Variants in ZNF385D observed in about 807,000 individuals in gnomAD.
ZNF385D encodes the protein zinc finger protein 659.
A neutral mutation model predicts 35.8 loss-of-function variants in ZNF385D; 15 were observed. The ratio of observed to expected loss-of-function variants is 0.42; its 90% confidence interval spans 0.28 to 0.64. The LOEUF (loss-of-function observed/expected upper bound fraction) is 0.64, where lower values mean the gene tolerates loss of function less well. ZNF385D is among the 30% of genes least tolerant of loss of function. The pLI is 0.23. For synonymous variants in ZNF385D, 212 were observed against 186.8 expected (o/e 1.13, Z -1.10); for missense variants, 474 against 494.6 (o/e 0.96, Z 0.39).
intron 2 of ZNF385D, among the ~76,000 whole-genome samples, chr3:22,271,694 G>T (rs1173131955): frequency 3.3e-5 from 5 of 151,634 alleles, no homozygotes; most frequent in Admixed American, 3.3e-4. Flanking sequence ...CCCACCCTCT[G>T]CCTGTCTCCT....
rs1244129657 is a variant in ZNF385D at position 22,372,474 on chromosome 3, C to T, written c.82G>A (p.Ala28Thr). The T allele has an allele frequency of 7.1e-6, 7 of 985,800 alleles. No individual in the cohort carries two copies. In the African/African-American group the frequency reaches 8.7e-5, roughly 12 times the overall value. The allele number at this position is 985,800 out of a possible 1,614,324, so 61.1% of individuals were successfully genotyped here. Residue 28 changes from alanine to threonine, a missense_variant, in exon 2 of 6, where the codon GCG becomes ACG. Coordinates refer to the ZNF385D transcript ENST00000494108. Reference sequence around the variant, plus strand: ...CCGCGGCTGGGCTGAGCTTTCGGCGCCCCCAGGAGCTTTTCTCTCCTTCCT... The same window carrying T: ...CCGCGGCTGGGCTGAGCTTTCGGCGTCCCCAGGAGCTTTTCTCTCCTTCCT...
intron 3 of ZNF385D, among the ~76,000 whole-genome samples, chr3:22,041,127 T>C (rs1698638710): frequency 6.6e-6 from 1 of 152,016 alleles, no homozygotes. Context: ...TTTTCCTCTA[T>C]GTTGGCTCCT....
chr3:21,678,908 C>T (rs761728076), intron 1 of ZNF385D, among the ~76,000 whole-genome samples: 19 of 152,096 alleles, frequency 1.2e-4, no homozygotes, highest in Non-Finnish European at 1.8e-4. Context: ...TCCTTATAAG[C>T]GAAGATAAGA....
intron 2 of ZNF385D, among the ~76,000 whole-genome samples, chr3:22,198,999 T>A (rs751187674): frequency 2.0e-4 from 31 of 152,100 alleles, no homozygotes; most frequent in Non-Finnish European, 3.5e-4. Flanking sequence ...CTACTACTGT[T>A]TAATAAGTCT....
At chr3:21,458,754 G>C (rs1480655805) in intron 4 of ZNF385D, among the ~76,000 whole-genome samples, 1 of 139,696 alleles carries the variant, frequency 7.2e-6, no homozygotes, top group Non-Finnish European at 1.5e-5. Context: ...GGCAAATTTG[G>C]AGAGACACAA....
intron 3 of ZNF385D, among the ~76,000 whole-genome samples, chr3:22,142,819 A>G (rs886354998): frequency 5.9e-5 from 9 of 151,966 alleles, no homozygotes. Flanking sequence ...GCTTCTCTCA[A>G]AACAGCCATC....
chr3:22,280,366 G>GT (rs536746722), intron 2 of ZNF385D, among the ~76,000 whole-genome samples: 6,795 of 140,922 alleles, frequency 0.048, 392 homozygotes, highest in African/African-American at 0.14. Context: ...GTCTAGAAGG[G>GT]TTTTTTTTTT....
intron 2 of ZNF385D, among the ~76,000 whole-genome samples, chr3:21,590,119 C>T (rs2063926375): frequency 6.6e-6 from 1 of 152,050 alleles, no homozygotes; most frequent in Non-Finnish European, 1.5e-5. Context: ...GTGGAATAGA[C>T]CTGTACCCTA....
chr3:22,109,674 C>A (rs1388359209), intron 3 of ZNF385D, among the ~76,000 whole-genome samples: 3 of 152,048 alleles, frequency 2.0e-5, no homozygotes, highest in Non-Finnish European at 4.4e-5. Context: ...AATCTGGGTG[C>A]TCCTGTATTG....
chr3:22,146,382 T>C (rs1008152135), intron 3 of ZNF385D, among the ~76,000 whole-genome samples: 4 of 152,218 alleles, frequency 2.6e-5, no homozygotes, highest in African/African-American at 7.2e-5. Context: ...ACTGACAGAC[T>C]ACAACAGTGG....
chr3:21,770,456 G>A (rs1430212842), intron 3 of ZNF385D, among the ~76,000 whole-genome samples: 3 of 152,098 alleles, frequency 2.0e-5, no homozygotes, highest in African/African-American at 7.2e-5. Flanking sequence ...CTCAAAAGAA[G>A]ACATTTATGC....
intron 3 of ZNF385D, chr3:21,542,836 C>G (rs544952107): frequency 6.6e-6 from 1 of 151,982 alleles, no homozygotes; most frequent in Admixed American, 6.6e-5. Flanking sequence ...TTTTTCTTCC[C>G]GCCGACTTTC....
intron 1 of ZNF385D, among the ~76,000 whole-genome samples, chr3:21,707,232 A>G (rs1215335802): frequency 6.6e-6 from 1 of 152,216 alleles, no homozygotes; most frequent in Non-Finnish European, 1.5e-5. Context: ...CTTACAAATC[A>G]CATCATCTTT....
chr3:22,316,501 C>T lies in ZNF385D; in HGVS notation c.106+55949G>A, dbSNP rs190939105. ...TTGAGACAAAAAAGGTAAATTTTTC[C>T]CCAAAAACTTTGATGGTAGAAGGAA... is the stretch of plus-strand genomic sequence containing the variant. On this transcript the variant is annotated intron_variant, in intron 2 of 5. Coordinates refer to the ZNF385D transcript ENST00000494108. Among the ~76,000 whole-genome samples, 96 of 152,046 alleles carry T rather than the reference C, an allele frequency of 6.3e-4. 1 individual carries two copies. Among genetic ancestry groups the T allele is most frequent in the African/African-American group, 2.2e-3 (91 of 41,478 alleles).
intron 4 of ZNF385D, among the ~76,000 whole-genome samples, chr3:21,502,615 T>C (rs1706463847): frequency 6.6e-6 from 1 of 152,172 alleles, no homozygotes; most frequent in Non-Finnish European, 1.5e-5. Context: ...TTTATGTCAT[T>C]CCTAATGTGA....
intron 3 of ZNF385D, among the ~76,000 whole-genome samples, chr3:21,813,136 A>T (rs2073005282): frequency 1.3e-5 from 2 of 152,230 alleles, no homozygotes; most frequent in South Asian, 2.1e-4. Flanking sequence ...GAGGGTCCTG[A>T]CTGTTAGAAG....
intron 3 of ZNF385D, among the ~76,000 whole-genome samples, chr3:21,958,333 T>C (rs1335446068): frequency 6.6e-6 from 1 of 152,150 alleles, no homozygotes; most frequent in African/African-American, 2.4e-5. Context: ...GGCCAGAGCT[T>C]ATACTTTATT....
At chr3:22,123,960 C>CTA (rs1222647240) in intron 3 of ZNF385D, among the ~76,000 whole-genome samples, 107 of 72,840 alleles carry the variant, frequency 1.5e-3, no homozygotes, top group East Asian at 3.4e-3. Flanking sequence ...CTCTCTCTCT[C>CTA]TCTATATATA....
intron 2 of ZNF385D, among the ~76,000 whole-genome samples, chr3:22,365,126 TAG>T (rs1257790082): frequency 6.6e-6 from 1 of 152,110 alleles, no homozygotes; most frequent in African/African-American, 2.4e-5. Context: ...TTAATGGATA[TAG>T]AGTTTCAGTT....
Sources: allele counts gnomAD v4.1 joint callset (sites outside exome capture counted in the v4.1 genomes callset), GRCh38; gene constraint gnomAD v4.1.1; transcripts MANE v1.5; gene names NCBI Gene and HGNC (gene_info 2026-07-23, HGNC 2026-07-21).